RIMBP2: variants seen among roughly 807,000 people sequenced by gnomAD.
RIMBP2 encodes the protein RIMS-binding protein 2.
Under a neutral mutation model 118.6 loss-of-function variants are expected in RIMBP2, and 48 were observed. The ratio of observed to expected loss-of-function variants is 0.40; its 90% CI spans 0.32 to 0.51. The LOEUF (loss-of-function observed/expected upper bound fraction) is 0.51, where lower values mean the gene tolerates loss of function less well. RIMBP2 is among the 20% of genes least tolerant of loss of function. The pLI is 0.41. For missense variants in RIMBP2, 1,551 were observed against 1,768.3 expected (o/e 0.88, Z 2.20); for synonymous variants, 762 against 742.9 (o/e 1.03, Z -0.42).
At chr12:130,583,001 G>A (rs2058578233) in intron 2 of RIMBP2, among the ~76,000 whole-genome samples, 2 of 152,172 alleles carry the variant, frequency 1.3e-5, no homozygotes, top group African/African-American at 4.8e-5. Flanking sequence ...TGTTCAAGGG[G>A]CAGATATAAA....
intron 12 of RIMBP2, 30 bp downstream of exon 12, chr12:130,438,335 A>AGGGGGGGGGGGGGGGCCCCCCCCC: frequency 2.3e-6 from 2 of 865,014 alleles, no homozygotes; most frequent in Non-Finnish European, 3.8e-6. Flanking sequence ...GGCCTAACAA[A>AGGGGGGGGGGGGGGGCCCCCCCCC]CCCTCCCCAC....
At chr12:130,464,601 G>C (rs540741069) in intron 6 of RIMBP2, among the ~76,000 whole-genome samples, 1 of 152,188 alleles carries the variant, frequency 6.6e-6, no homozygotes, top group Non-Finnish European at 1.5e-5. Context: ...CTGCCTGGGG[G>C]AGTCATGCAT....
At position 130,484,504 on chromosome 12, in the gene RIMBP2, C is replaced by A. The variant is rs565635981; in HGVS notation, c.-3-5488G>T. On this transcript the variant is annotated intron_variant, in intron 4 of 22. Coordinates refer to ENST00000690449, the MANE Select transcript of RIMBP2 (RefSeq NM_001393629.1). The stretch of plus-strand genomic sequence containing the variant: ...CCTGAGCATCCTCATCCCCAGTGCA[C>A]TGGCCGGCTCCCTTGCCTGCTATCT... Among the ~76,000 whole-genome samples, 358 of 152,380 alleles carry A rather than the reference C, an allele frequency of 2.3e-3. 1 individual carries two copies. The highest frequency in any genetic ancestry group is 8.3e-3 in the African/African-American group (347 of 41,580).
chr12:130,622,414 T>C lies in RIMBP2; in HGVS notation c.-217+5908A>G, dbSNP rs1378137433. 6.6e-6 allele frequency among the ~76,000 whole-genome samples: 1 copy of C among 152,092 alleles called. No individual in the cohort carries two copies. The highest frequency in any genetic ancestry group is 2.4e-5 in the African/African-American group (1 of 41,462). On this transcript the variant is annotated intron_variant, in intron 2 of 22. Coordinates refer to ENST00000690449, the MANE Select transcript of RIMBP2 (RefSeq NM_001393629.1). The surrounding 1 kb of genome is among the most constrained non-coding windows in gnomAD (Gnocchi z 8.5). Reference sequence around the variant, plus strand: ...ATATAACACAAAACTGTTGGTTAATTCACTAGTTATTTTGTACATAAATTC... The same window carrying C: ...ATATAACACAAAACTGTTGGTTAATCCACTAGTTATTTTGTACATAAATTC...
At chr12:130,676,200 A>G (rs142664388) in intron 1 of RIMBP2, among the ~76,000 whole-genome samples, 2,250 of 152,172 alleles carry the variant, frequency 0.015, 27 homozygotes, top group Non-Finnish European at 0.022. Context: ...AGCAGCCTTG[A>G]TGAACTGGGA....
intron 1 of RIMBP2, among the ~76,000 whole-genome samples, chr12:130,664,407 G>GCACA (rs1171293233): frequency 1.7e-4 from 15 of 86,126 alleles, no homozygotes; most frequent in African/African-American, 4.0e-4. Context: ...ACGCACGCAC[G>GCACA]CACGCACACA....
intron 1 of RIMBP2, among the ~76,000 whole-genome samples, chr12:130,634,591 A>G (rs2062224674): frequency 2.4e-5 from 2 of 83,060 alleles, no homozygotes; most frequent in African/African-American, 7.5e-5. Flanking sequence ...CTCTTTAAAG[A>G]TGACTTTTTT....
At chr12:130,592,169 G>T (rs1423449236) in intron 2 of RIMBP2, among the ~76,000 whole-genome samples, 3 of 152,196 alleles carry the variant, frequency 2.0e-5, no homozygotes, top group Non-Finnish European at 4.4e-5. Context: ...GGTTATGCTG[G>T]TTATAGCTTA....
chr12:130,512,327 TTC>T, intron 3 of RIMBP2, among the ~76,000 whole-genome samples: 1 of 144,440 alleles, frequency 6.9e-6, no homozygotes, highest in South Asian at 2.4e-4. Context: ...GTCCATTGCT[TTC>T]TTTTTTTTTT....
At position 130,438,585 on chromosome 12, in the gene RIMBP2, C is replaced by T. The variant is rs191552897; in HGVS notation, c.1505-69G>A. ...CTGGCAGGTGAGCCGTGACTGGGCT[C>T]TGCCCATCTCACCTGGAAACGAGAT... On this transcript the variant is annotated intron_variant, in intron 11 of 22. Coordinates refer to ENST00000690449, the MANE Select transcript of RIMBP2 (RefSeq NM_001393629.1). 1.5e-3 allele frequency: 1,996 copies of T among 1,366,920 alleles called. 30 individuals are homozygous for T. The African/African-American group carries it at 0.026, about 18-fold the overall frequency. The allele number at this position is 1,366,920 out of a possible 1,614,324, so 84.7% of individuals were successfully genotyped here. A position where few individuals can be genotyped will look rare whatever the true frequency, so the allele number is the denominator to read the frequency against.
At chr12:130,407,514 G>A (rs1302274935) in intron 20 of RIMBP2, among the ~76,000 whole-genome samples, 1 of 152,226 alleles carries the variant, frequency 6.6e-6, no homozygotes, top group Non-Finnish European at 1.5e-5. Context: ...GACAGGGCTT[G>A]TCAGGGGCTG....
intron 3 of RIMBP2, 36 bp downstream of exon 3, chr12:130,517,792 G>GCTC: frequency 2.2e-6 from 2 of 914,036 alleles, no homozygotes; most frequent in Non-Finnish European, 2.6e-6. Context: ...CTCCCTCCAG[G>GCTC]GCCCCAGATG....
In RIMBP2 at chr12:130,422,489, G is replaced by C. The variant is rs2076480756; in HGVS notation, c.3202C>G (p.Pro1068Ala). Reference protein sequence around the residue: ...GRRFPRGSAGPQRSRPVTVPS... With the variant: ...GRRFPRGSAGAQRSRPVTVPS... ...ACTGTCACGGGCCGGGACCTCTGAGGACCAGCGCTGCCACGGGGAAACCTC... is the reference window on the plus strand; with the variant it reads ...ACTGTCACGGGCCGGGACCTCTGAGCACCAGCGCTGCCACGGGGAAACCTC... The change falls in exon 17 of 23, where the codon CCT becomes GCT. Residue 1068 changes from proline to alanine, a missense_variant. This residue lies in a region of RIMBP2 where 1,038 missense variants were observed against 1,125.1 expected (regional missense o/e 0.92). Transcript: ENST00000690449. This position sits in a 1 kb window ranked among gnomAD's most constrained non-coding sequence, Gnocchi z 5.2. 6.2e-7 allele frequency: 1 copy of C among 1,613,208 alleles called. No individual in the cohort carries two copies. Among genetic ancestry groups the C allele is most frequent in the Non-Finnish European group, 8.5e-7 (1 of 1,179,450 alleles).
At chr12:130,599,900 C>T (rs939967996) in intron 2 of RIMBP2, among the ~76,000 whole-genome samples, 1 of 152,186 alleles carries the variant, frequency 6.6e-6, no homozygotes, top group African/African-American at 2.4e-5. Flanking sequence ...TGAGGGTAAA[C>T]CTGCCCCATT....
At chr12:130,610,443 C>T (rs1172572126) in intron 2 of RIMBP2, among the ~76,000 whole-genome samples, 1 of 151,726 alleles carries the variant, frequency 6.6e-6, no homozygotes, top group African/African-American at 2.4e-5. Context: ...TTAATAAACA[C>T]TTATCTCTTT....
chr12:130,712,321 C>T (rs1265856165), intron 1 of RIMBP2, among the ~76,000 whole-genome samples: 2 of 152,324 alleles, frequency 1.3e-5, no homozygotes, highest in East Asian at 3.9e-4. Context: ...GCTTAAAACA[C>T]ACATTGTACA....
chr12:130,638,518 C>T (rs974448646), intron 1 of RIMBP2, among the ~76,000 whole-genome samples: 1 of 152,178 alleles, frequency 6.6e-6, no homozygotes, highest in Non-Finnish European at 1.5e-5. Flanking sequence ...CTGAGCTCCG[C>T]CTCCTGTCAG....
intron 1 of RIMBP2, among the ~76,000 whole-genome samples, chr12:130,662,272 C>T (rs2063695957): frequency 1.3e-5 from 2 of 152,170 alleles, no homozygotes; most frequent in African/African-American, 2.4e-5. Context: ...AGGGCTTGCA[C>T]AGTTCGAGTC....
At chr12:130,404,767 G>T (rs1443670275) in intron 21 of RIMBP2, among the ~76,000 whole-genome samples, 2 of 152,146 alleles carry the variant, frequency 1.3e-5, no homozygotes, top group Admixed American at 1.3e-4. Context: ...AAACAAAAAA[G>T]TATAGGTTTG....
Sources: gnomAD v4.1 joint callset for allele counts (sites outside exome capture counted in the v4.1 genomes callset) on GRCh38, gnomAD v4.1.1 for gene constraint, gnomAD v4.1.1 regional missense constraint, Gnocchi (gnomAD v3.1) non-coding constraint, MANE v1.5 for transcripts, NCBI Gene and HGNC (gene_info 2026-07-23, HGNC 2026-07-21) for gene names.